AFG2A: variants seen among roughly 807,000 people sequenced by gnomAD.
AFG2A encodes the protein AAA ATPase AFG2A.
At chr4:123,215,272 T>C in the AFG2A span, among the ~76,000 whole-genome samples, 1 of 152,150 alleles carries the variant, frequency 6.6e-6, no homozygotes, top group Admixed American at 6.5e-5. Flanking sequence ...CATTAAATAT[T>C]TTTATCCCTA....
chr4:123,130,553 CAT>C, the AFG2A span, among the ~76,000 whole-genome samples: 22,126 of 152,160 alleles, frequency 0.15, 2,059 homozygotes, highest in East Asian at 0.45. Flanking sequence ...TTTTATTTCA[CAT>C]GTTTTCGAGA....
At chr4:123,023,202 AT>A in the AFG2A span, among the ~76,000 whole-genome samples, 2 of 151,946 alleles carry the variant, frequency 1.3e-5, no homozygotes, top group African/African-American at 4.8e-5. Flanking sequence ...GATAATAATA[AT>A]AATAAAAGGA....
the AFG2A span, among the ~76,000 whole-genome samples, chr4:123,285,919 T>G: frequency 3.9e-4 from 59 of 152,244 alleles, no homozygotes; most frequent in Non-Finnish European, 7.8e-4. Context: ...TGGAAATCAG[T>G]GGTGGTGGAG....
chr4:123,141,011 C>G, the AFG2A span, among the ~76,000 whole-genome samples: 1 of 152,034 alleles, frequency 6.6e-6, no homozygotes, highest in Non-Finnish European at 1.5e-5. Context: ...ATATAACACA[C>G]AATTTTGAGA....
At chr4:123,160,118 T>A in the AFG2A span, among the ~76,000 whole-genome samples, 5 of 152,104 alleles carry the variant, frequency 3.3e-5, no homozygotes, top group Non-Finnish European at 7.4e-5. Context: ...CAAGTTGTGC[T>A]ACTTCTCTGA....
At chr4:123,284,036 G>T in the AFG2A span, among the ~76,000 whole-genome samples, 191 of 152,114 alleles carry the variant, frequency 1.3e-3, 1 homozygote, top group African/African-American at 4.6e-3. Flanking sequence ...TGGCAATTAT[G>T]ATCACTTACA....
At chr4:122,948,014 A>G in the AFG2A span, among the ~76,000 whole-genome samples, 1 of 152,134 alleles carries the variant, frequency 6.6e-6, no homozygotes, top group Admixed American at 6.5e-5. Context: ...TACAGCATAT[A>G]ATGCATATAA....
chr4:123,218,042 ATTTCC>A, the AFG2A span, among the ~76,000 whole-genome samples: 1 of 152,224 alleles, frequency 6.6e-6, no homozygotes, highest in Non-Finnish European at 1.5e-5. Flanking sequence ...TGTTCAAAGT[ATTTCC>A]TTTCCAAAAA....
chr4:123,044,368 T>G, the AFG2A span, among the ~76,000 whole-genome samples: 136,186 of 152,094 alleles, frequency 0.9, 61,403 homozygotes, highest in East Asian at 0.97. Flanking sequence ...GCTGCTGGGG[T>G]CTTCATCTTC....
At chr4:123,199,818 C>T in the AFG2A span, among the ~76,000 whole-genome samples, 3 of 152,026 alleles carry the variant, frequency 2.0e-5, no homozygotes, top group Admixed American at 1.3e-4. Flanking sequence ...TCATATAAAT[C>T]CAGAGCTATA....
At chr4:123,295,352 C>T in the AFG2A span, among the ~76,000 whole-genome samples, 1 of 152,170 alleles carries the variant, frequency 6.6e-6, no homozygotes, top group African/African-American at 2.4e-5. Flanking sequence ...GTTCTTTCCT[C>T]TTTACTGGAA....
the AFG2A span, among the ~76,000 whole-genome samples, chr4:123,076,958 CTGTG>C: frequency 1.7e-4 from 25 of 144,848 alleles, no homozygotes; most frequent in South Asian, 2.7e-3. Flanking sequence ...AAGCCCTGTG[CTGTG>C]TGTGTGTGTG....
the AFG2A span, among the ~76,000 whole-genome samples, chr4:123,272,218 T>C: frequency 1.3e-5 from 2 of 152,180 alleles, no homozygotes; most frequent in Non-Finnish European, 2.9e-5. Flanking sequence ...AAGACAGTTG[T>C]TGACAGATAA....
the AFG2A span, among the ~76,000 whole-genome samples, chr4:122,992,551 T>G: frequency 1.3e-5 from 2 of 152,210 alleles, no homozygotes; most frequent in African/African-American, 2.4e-5. Flanking sequence ...AAAACCTGTT[T>G]CAAATGGCTA....
chr4:123,219,801 A>G, the AFG2A span, among the ~76,000 whole-genome samples: 3 of 152,178 alleles, frequency 2.0e-5, no homozygotes, highest in Non-Finnish European at 4.4e-5. Context: ...GTTTCTTCAA[A>G]TGAATATAAG....
chr4:123,076,418 T>G, the AFG2A span, among the ~76,000 whole-genome samples: 2 of 152,210 alleles, frequency 1.3e-5, no homozygotes, highest in African/African-American at 2.4e-5. Context: ...AGATATGATA[T>G]TCTTTTAACT....
At chr4:123,244,445 AT>A in the AFG2A span, among the ~76,000 whole-genome samples, 1 of 152,206 alleles carries the variant, frequency 6.6e-6, no homozygotes, top group Non-Finnish European at 1.5e-5. Flanking sequence ...GGCAGGCAGT[AT>A]CCACAGCTCT....
At chr4:123,191,218 C>A in the AFG2A span, among the ~76,000 whole-genome samples, 1 of 152,060 alleles carries the variant, frequency 6.6e-6, no homozygotes, top group African/African-American at 2.4e-5. Flanking sequence ...AAATATAAAT[C>A]TGTGTTTAGA....
At chr4:123,068,474 T>G in the AFG2A span, among the ~76,000 whole-genome samples, 3 of 152,204 alleles carry the variant, frequency 2.0e-5, no homozygotes, top group East Asian at 5.8e-4. Flanking sequence ...TATTTAGAAG[T>G]ACCTGATTGG....
Sources: gnomAD v4.1 joint callset for allele counts (sites outside exome capture counted in the v4.1 genomes callset) on GRCh38, gnomAD v4.1.1 for gene constraint, MANE v1.5 for transcripts, NCBI Gene and HGNC (gene_info 2026-07-23, HGNC 2026-07-21) for gene names.